The following ARID1B variants were observed in gnomAD, a reference collection of about 807,000 sequenced individuals.
ARID1B encodes AT-rich interactive domain-containing protein 1B.
ARID1B carries 30 observed loss-of-function variants against 212.3 expected under a neutral mutation model. The ratio of observed to expected loss-of-function variants is 0.14; its 90% CI spans 0.11 to 0.19. The LOEUF (loss-of-function observed/expected upper bound fraction) is 0.19, where lower values mean the gene tolerates loss of function less well. ARID1B is among the 10% of genes least tolerant of loss of function. ARID1B has a pLI of 1.00. For missense variants in ARID1B, 2,891 were observed against 3,204.0 expected, an observed-to-expected ratio of 0.90 and a Z score of 2.36; for synonymous variants, 1,402 against 1,301.7, an observed-to-expected ratio of 1.08 and a Z score of -1.66.
chr6:156,822,564 A>G (rs1782429616), intron 1 of ARID1B, among the ~76,000 whole-genome samples: 1 of 152,238 alleles, frequency 6.6e-6, no homozygotes. Context: ...TCTGGCTTAG[A>G]GAGGAGTAGG....
At chr6:156,998,752 T>C (rs1778749766) in intron 4 of ARID1B, among the ~76,000 whole-genome samples, 1 of 152,240 alleles carries the variant, frequency 6.6e-6, no homozygotes, top group Non-Finnish European at 1.5e-5. Flanking sequence ...TAAATTGGTC[T>C]GTTTAACAAT....
chr6:157,078,788 T>G (rs1784455228), intron 4 of ARID1B, among the ~76,000 whole-genome samples: 1 of 152,246 alleles, frequency 6.6e-6, no homozygotes, highest in Non-Finnish European at 1.5e-5. Flanking sequence ...ATTTTGCTTT[T>G]GTAAAGTGTC....
intron 4 of ARID1B, among the ~76,000 whole-genome samples, chr6:156,950,979 G>T (rs1793540871): frequency 6.6e-6 from 1 of 152,052 alleles, no homozygotes; most frequent in African/African-American, 2.4e-5. Flanking sequence ...TTAATATAAA[G>T]TATTACCCAG....
At chr6:157,070,691 T>A (rs1355592689) in intron 4 of ARID1B, among the ~76,000 whole-genome samples, 1 of 152,236 alleles carries the variant, frequency 6.6e-6, no homozygotes, top group African/African-American at 2.4e-5. Flanking sequence ...TATGTGTTTA[T>A]TTACTTACTT....
intron 4 of ARID1B, among the ~76,000 whole-genome samples, chr6:157,041,837 C>G (rs566234713): frequency 1.3e-5 from 2 of 152,290 alleles, no homozygotes; most frequent in East Asian, 3.9e-4. Context: ...ATCTTCTTAG[C>G]CACCATCACC....
intron 2 of ARID1B, among the ~76,000 whole-genome samples, chr6:156,843,253 C>T (rs756824184): frequency 7.9e-5 from 12 of 151,742 alleles, no homozygotes; most frequent in Non-Finnish European, 1.5e-5. Flanking sequence ...CTGTTTATGA[C>T]GAGTAGTATT....
intron 2 of ARID1B, among the ~76,000 whole-genome samples, chr6:156,835,677 C>T (rs1025713704): frequency 6.6e-6 from 1 of 152,104 alleles, no homozygotes; most frequent in African/African-American, 2.4e-5. Flanking sequence ...TACATATAGA[C>T]TTTCAACCTA....
In ARID1B at chr6:156,798,474, G is replaced by A. The variant is rs545692750; in HGVS notation, c.1791+19003G>A. Among the ~76,000 whole-genome samples, 147 of 152,362 alleles carry A rather than the reference G, an allele frequency of 9.6e-4. No individual in the cohort carries two copies. The Middle Eastern group carries it at 0.024, about 25-fold the overall frequency. On this transcript the variant is annotated intron_variant, in intron 1 of 19. Transcript: ENST00000636930. ...GAAGGGTGCATGCGCTTTGGCCAAG[G>A]CCATGTTACATGATGGTACCAGGAG... is the stretch of plus-strand genomic sequence containing the variant.
chr6:157,022,086 A>G lies in ARID1B; in HGVS notation c.2248-62576A>G, dbSNP rs566830877. The stretch of plus-strand genomic sequence containing the variant: ...TGACGGTGGAAAAGCCAGGAACTAC[A>G]GACGAAGGACGCCAGCAGGGCCGCG... On this transcript the variant is annotated intron_variant, in intron 4 of 19. Transcript: ENST00000636930. 5.8e-3 allele frequency among the ~76,000 whole-genome samples: 884 copies of G among 152,174 alleles called. 6 individuals carry two copies. The highest frequency in any genetic ancestry group is 0.02 in the African/African-American group (830 of 41,494).
At position 157,198,918 on chromosome 6, in the gene ARID1B, A is replaced by C. The variant is rs761331205; in HGVS notation, c.4479+11A>C. 6.3e-7 allele frequency: 1 copy of C among 1,589,496 alleles called. No individual in the cohort carries two copies. On this transcript the variant is annotated intron_variant, in intron 17 of 19. Coordinates refer to ENST00000636930, the MANE Select transcript of ARID1B (RefSeq NM_001374828.1). ...TACCCACAGCAGCCGGTGAGTTGGC[A>C]AGTGGGCGTGGGGTGCTGTGTTTTC...
At chr6:156,879,208 A>G (rs181124646) in intron 2 of ARID1B, among the ~76,000 whole-genome samples, 177 of 152,302 alleles carry the variant, frequency 1.2e-3, no homozygotes, top group Non-Finnish European at 2.3e-3. Flanking sequence ...TGGTTCTGCG[A>G]GGGCTAATTT....
intron 6 of ARID1B, among the ~76,000 whole-genome samples, chr6:157,113,227 A>G (rs767605617): frequency 6.6e-6 from 1 of 152,168 alleles, no homozygotes; most frequent in Non-Finnish European, 1.5e-5. Flanking sequence ...GGCCATGACC[A>G]TTTCTTTCAA....
At chr6:156,837,819 C>T (rs1562423927) in intron 2 of ARID1B, among the ~76,000 whole-genome samples, 1 of 152,188 alleles carries the variant, frequency 6.6e-6, no homozygotes, top group South Asian at 2.1e-4. Context: ...AGCCAGAGAG[C>T]CTTGCTTAAT....
At chr6:156,866,226 G>A (rs1239963395) in intron 2 of ARID1B, among the ~76,000 whole-genome samples, 2 of 152,208 alleles carry the variant, frequency 1.3e-5, no homozygotes, top group Non-Finnish European at 2.9e-5. Flanking sequence ...TTCTGCAGCA[G>A]TGGTTCTGAG....
In ARID1B at chr6:157,094,943, C is replaced by A. The variant is rs1354010382; in HGVS notation, c.2491+10038C>A. On this transcript the variant is annotated intron_variant, in intron 5 of 19. Coordinates refer to ENST00000636930, the MANE Select transcript of ARID1B (RefSeq NM_001374828.1). This position sits in a 1 kb window ranked among gnomAD's most constrained non-coding sequence, Gnocchi z 4.3. ...GAGGAACACGTTTTTGAAGGGGAAT[C>A]GAGAGTTTGGTTTTAAACATACTGT... 6.6e-6 allele frequency among the ~76,000 whole-genome samples: 1 copy of A among 152,010 alleles called. No individual in the cohort carries two copies. Among genetic ancestry groups the A allele is most frequent in the Non-Finnish European group, 1.5e-5 (1 of 68,008 alleles).
chr6:156,976,680 A>G (rs1314881236), intron 4 of ARID1B: 5 of 345,422 alleles, frequency 1.4e-5, no homozygotes, highest in Middle Eastern at 1.0e-3. Flanking sequence ...TTTGTTCAGT[A>G]AACTGCGCTG....
chr6:156,970,412 T>C (rs550554618), intron 4 of ARID1B, among the ~76,000 whole-genome samples: 1 of 152,334 alleles, frequency 6.6e-6, no homozygotes, highest in Non-Finnish European at 1.5e-5. Context: ...AAAAAATTTT[T>C]AATCAAAAAT....
chr6:156,872,039 A>G (rs1209449877), intron 2 of ARID1B, among the ~76,000 whole-genome samples: 1 of 152,266 alleles, frequency 6.6e-6, no homozygotes, highest in Non-Finnish European at 1.5e-5. Flanking sequence ...ATGATATTGT[A>G]CGCTGACATA....
intron 2 of ARID1B, among the ~76,000 whole-genome samples, chr6:156,851,998 A>G (rs990414118): frequency 1.3e-5 from 2 of 152,208 alleles, no homozygotes; most frequent in African/African-American, 4.8e-5. Flanking sequence ...AATACTTGTT[A>G]CTTACATATT....
Sources: gnomAD v4.1 joint callset for allele counts (sites outside exome capture counted in the v4.1 genomes callset) on GRCh38, gnomAD v4.1.1 for gene constraint, Gnocchi (gnomAD v3.1) non-coding constraint, MANE v1.5 for transcripts, NCBI Gene and HGNC (gene_info 2026-07-23, HGNC 2026-07-21) for gene names.